The following CPQ variants were observed in gnomAD, a reference collection of about 807,000 sequenced individuals.
The protein encoded by CPQ is Ser-Met dipeptidase.
A neutral mutation model predicts 45.7 loss-of-function variants in CPQ; 37 were observed. That is an observed-to-expected ratio of 0.81 (90% confidence interval 0.62 to 1.07). The LOEUF (loss-of-function observed/expected upper bound fraction) is 1.07. CPQ is among the 50% of genes least tolerant of loss of function. CPQ has a pLI of 0.00. For missense variants in CPQ, 537 were observed against 572.9 expected (o/e 0.94, Z 0.64); for synonymous variants, 186 against 205.8 (o/e 0.90, Z 0.82).
At chr8:96,698,387 T>C (rs1216269997) in intron 1 of CPQ, among the ~76,000 whole-genome samples, 2 of 152,072 alleles carry the variant, frequency 1.3e-5, no homozygotes, top group African/African-American at 4.8e-5. Context: ...CCTAAAACCA[T>C]GAAACTACTA....
chr8:97,048,305 C>T (rs1810296662), intron 6 of CPQ, among the ~76,000 whole-genome samples: 1 of 152,114 alleles, frequency 6.6e-6, no homozygotes, highest in Non-Finnish European at 1.5e-5. Flanking sequence ...CTGTAGGTCT[C>T]CAAAAGTTAA....
intron 4 of CPQ, among the ~76,000 whole-genome samples, chr8:96,908,829 ATAGACCCTTATATTCTCT>A (rs1341235424): frequency 6.6e-6 from 1 of 151,746 alleles, no homozygotes; most frequent in African/African-American, 2.4e-5. Context: ...TCATGATTTC[ATAGACCCTTATATTCTCT>A]AAGAGATCTG....
intron 5 of CPQ, among the ~76,000 whole-genome samples, chr8:96,991,783 G>C (rs1338104429): frequency 6.6e-6 from 1 of 152,086 alleles, no homozygotes; most frequent in Non-Finnish European, 1.5e-5. Context: ...TTTAGAGCAA[G>C]TGCAAGCTAT....
intron 1 of CPQ, among the ~76,000 whole-genome samples, chr8:96,649,125 A>C (rs1331389427): frequency 6.6e-6 from 1 of 152,142 alleles, no homozygotes; most frequent in Non-Finnish European, 1.5e-5. Flanking sequence ...ACAGGCACAC[A>C]CCACTACAGC....
chr8:97,066,095 G>A lies in CPQ; in HGVS notation c.1140G>A (p.Lys380=). Residue 380 remains lysine (K), a synonymous_variant, in exon 7 of 8, where the codon AAG becomes AAA. Transcript: ENST00000220763. ...GGCTGCAATTCACTGGCAGTGAAAAGGCCAGGGCCATCATGGAGGAGGTTA... is the reference window on the plus strand; with the variant it reads ...GGCTGCAATTCACTGGCAGTGAAAAAGCCAGGGCCATCATGGAGGAGGTTA... The part of the protein sequence containing the change: ...PTGLQFTGSE[K]ARAIMEEVMS... 6.2e-7 allele frequency: 1 copy of A among 1,612,564 alleles called. No homozygotes were observed. Among genetic ancestry groups the A allele is most frequent in the Non-Finnish European group, 8.5e-7 (1 of 1,179,598 alleles).
Position 97,119,978 on chromosome 8 carries a change from G to GT in CPQ, c.1256-23039dup, listed in dbSNP as rs373969599. On this transcript the variant is annotated intron_variant, in intron 7 of 7. Coordinates refer to ENST00000220763, the MANE Select transcript of CPQ (RefSeq NM_016134.4). The stretch of plus-strand genomic sequence containing the variant: ...AGTAGTGGTGGTAGCACATAAGCTG[G>GT]TTTACAGAGCAAATACCAAAGATAG... Among the ~76,000 whole-genome samples the GT allele has an allele frequency of 5.0e-4, 76 of 152,274 alleles. 1 individual carries two copies. Among genetic ancestry groups the GT allele is most frequent in the African/African-American group, 1.8e-3 (75 of 41,568 alleles).
chr8:96,803,980 G>A (rs1811042863), intron 2 of CPQ, among the ~76,000 whole-genome samples: 1 of 152,186 alleles, frequency 6.6e-6, no homozygotes, highest in South Asian at 2.1e-4. Context: ...TGAGGAGATA[G>A]CACTGGTGTA....
At chr8:97,003,213 C>G (rs1216939529) in intron 5 of CPQ, among the ~76,000 whole-genome samples, 4 of 152,060 alleles carry the variant, frequency 2.6e-5, no homozygotes, top group African/African-American at 7.2e-5. Flanking sequence ...CTTTATCCAT[C>G]TTGTCACTCT....
rs72664550 is a variant in CPQ at position 97,047,290 on chromosome 8, G to T, written c.1053+17796G>T. Among the ~76,000 whole-genome samples the T allele has an allele frequency of 3.2e-3, 489 of 152,262 alleles. 2 individuals carry two copies. Among genetic ancestry groups the T allele is most frequent in the Non-Finnish European group, 5.5e-3 (377 of 68,020 alleles). ...CCCATAAGGTGCAGAGCCTGAACTT[G>T]GACTTCAGCCATGACTTCTATGACC... On this transcript the variant is annotated intron_variant, in intron 6 of 7. Coordinates refer to ENST00000220763, the MANE Select transcript of CPQ (RefSeq NM_016134.4).
At chr8:96,999,701 ATGTG>A (rs966069906) in intron 5 of CPQ, among the ~76,000 whole-genome samples, 2 of 151,832 alleles carry the variant, frequency 1.3e-5, no homozygotes, top group Non-Finnish European at 2.9e-5. Context: ...CAGTGAACAT[ATGTG>A]TATGTGTCTT....
At chr8:97,054,988 T>C (rs561310249) in intron 6 of CPQ, among the ~76,000 whole-genome samples, 1 of 152,278 alleles carries the variant, frequency 6.6e-6, no homozygotes, top group African/African-American at 2.4e-5. Flanking sequence ...GCATGGAGTT[T>C]TCTTCATATA....
intron 2 of CPQ, among the ~76,000 whole-genome samples, chr8:96,809,129 C>T (rs1811125632): frequency 6.6e-6 from 1 of 151,742 alleles, no homozygotes; most frequent in Non-Finnish European, 1.5e-5. Context: ...GAATTATTGC[C>T]CTGTGATGTC....
At chr8:96,732,066 G>A (rs1039849450) in intron 1 of CPQ, among the ~76,000 whole-genome samples, 5 of 152,108 alleles carry the variant, frequency 3.3e-5, no homozygotes, top group Non-Finnish European at 5.9e-5. Context: ...GAGGAATTAC[G>A]AAGTCAGATG....
intron 1 of CPQ, among the ~76,000 whole-genome samples, chr8:96,671,945 C>A (rs563243698): frequency 1.3e-5 from 2 of 152,146 alleles, no homozygotes; most frequent in South Asian, 4.1e-4. Flanking sequence ...TTTTAGGGGC[C>A]TGGCAGAAAC....
intron 7 of CPQ, among the ~76,000 whole-genome samples, chr8:97,094,205 C>G (rs749078446): frequency 1.3e-5 from 2 of 152,174 alleles, no homozygotes; most frequent in Non-Finnish European, 2.9e-5. Context: ...ATTCATTTCT[C>G]AAGTGTCAAG....
chr8:97,068,030 G>T (rs1010156393), intron 7 of CPQ, among the ~76,000 whole-genome samples: 4 of 152,136 alleles, frequency 2.6e-5, no homozygotes, highest in Admixed American at 2.0e-4. Context: ...GAGTGCAGAC[G>T]GGGGGTGGTT....
intron 1 of CPQ, among the ~76,000 whole-genome samples, chr8:96,720,352 A>G (rs910786274): frequency 6.6e-6 from 1 of 151,998 alleles, no homozygotes; most frequent in African/African-American, 2.4e-5. Context: ...GGGACATTGT[A>G]GACAATATAT....
At chr8:97,095,201 G>A (rs559497740) in intron 7 of CPQ, among the ~76,000 whole-genome samples, 22 of 152,220 alleles carry the variant, frequency 1.4e-4, no homozygotes, top group African/African-American at 5.1e-4. Flanking sequence ...TGGAAGCCAT[G>A]TGGCCAATGT....
At chr8:96,733,460 C>G (rs1809940320) in intron 1 of CPQ, among the ~76,000 whole-genome samples, 1 of 151,954 alleles carries the variant, frequency 6.6e-6, no homozygotes, top group Non-Finnish European at 1.5e-5. Flanking sequence ...CTTTATTTTC[C>G]CTTTTCCAGT....
Sources: gnomAD v4.1 joint callset for allele counts (sites outside exome capture counted in the v4.1 genomes callset) on GRCh38, gnomAD v4.1.1 for gene constraint, MANE v1.5 for transcripts, NCBI Gene and HGNC (gene_info 2026-07-23, HGNC 2026-07-21) for gene names.